The following GRM7 variants were observed in gnomAD, a reference collection of about 807,000 sequenced individuals.
GRM7 encodes metabotropic glutamate receptor 7.
Under a neutral mutation model 84.5 loss-of-function variants are expected in GRM7, and 35 were observed. That is an observed-to-expected ratio of 0.41 (90% CI 0.32 to 0.55). GRM7 has a LOEUF of 0.55. Ranked by LOEUF, GRM7 falls within the 20% of genes least tolerant of loss-of-function variation. The probability of loss-of-function intolerance (pLI) is 0.19; values close to 1 mark genes in which losing one functional copy is unlikely to be tolerated. For synonymous variants in GRM7, 487 were observed against 455.1 expected, an observed-to-expected ratio of 1.07 and a Z score of -0.89; for missense variants, 1,003 against 1,194.6, an observed-to-expected ratio of 0.84 and a Z score of 2.36.
intron 7 of GRM7, among the ~76,000 whole-genome samples, chr3:7,573,958 T>C (rs975441425): frequency 6.6e-6 from 1 of 152,164 alleles, no homozygotes; most frequent in Non-Finnish European, 1.5e-5. Flanking sequence ...CCATGGAGAA[T>C]TGGTTAGCCA....
At chr3:7,548,542 A>G (rs915226405) in intron 7 of GRM7, among the ~76,000 whole-genome samples, 1 of 152,248 alleles carries the variant, frequency 6.6e-6, no homozygotes, top group African/African-American at 2.4e-5. Context: ...AATCCAGACT[A>G]TATTTTAATG....
chr3:7,554,377 A>T (rs1202267999), intron 7 of GRM7, among the ~76,000 whole-genome samples: 1 of 152,190 alleles, frequency 6.6e-6, no homozygotes. Context: ...CGGGCACTTC[A>T]GGCTGGACTC....
chr3:7,584,839 A>G (rs942695877), intron 8 of GRM7, among the ~76,000 whole-genome samples: 8 of 152,188 alleles, frequency 5.3e-5, no homozygotes, highest in African/African-American at 1.7e-4. Context: ...TAGAAATACA[A>G]TTTTCAAAAT....
At chr3:6,955,468 T>C (rs1204132949) in intron 1 of GRM7, among the ~76,000 whole-genome samples, 2 of 148,624 alleles carry the variant, frequency 1.3e-5, no homozygotes, top group Non-Finnish European at 3.0e-5. Flanking sequence ...ACCTGGAAGT[T>C]AGAGGTTGCA....
chr3:6,904,213 T>C (rs1370385042), intron 1 of GRM7, among the ~76,000 whole-genome samples: 1 of 152,146 alleles, frequency 6.6e-6, no homozygotes, highest in African/African-American at 2.4e-5. Context: ...CACAAAGATA[T>C]TTGTTTGTAG....
intron 2 of GRM7, among the ~76,000 whole-genome samples, chr3:7,157,292 A>G (rs923595190): frequency 6.6e-6 from 1 of 152,200 alleles, no homozygotes; most frequent in African/African-American, 2.4e-5. Context: ...ATTTCAGGAT[A>G]AACATAGAAT....
At chr3:7,205,232 C>G (rs371462185) in intron 2 of GRM7, among the ~76,000 whole-genome samples, 11 of 152,286 alleles carry the variant, frequency 7.2e-5, no homozygotes, top group East Asian at 3.9e-4. Context: ...TCTTGGCTTT[C>G]AGAAACTTAT....
chr3:6,929,480 G>A (rs1045133294), intron 1 of GRM7, among the ~76,000 whole-genome samples: 5 of 152,304 alleles, frequency 3.3e-5, no homozygotes, highest in Admixed American at 6.5e-5. Flanking sequence ...AGATGATACA[G>A]TAGCAGACTG....
At position 6,988,154 on chromosome 3, in the gene GRM7, G is replaced by A. The variant is rs538195470; in HGVS notation, c.519+126247G>A. ...TGGGACTACAGGCGGCCACCATCAC[G>A]CCTGGCTAATTTTTTTTTTTTTTTT... On this transcript the variant is annotated intron_variant, in intron 1 of 9. Coordinates refer to ENST00000357716, the MANE Select transcript of GRM7 (RefSeq NM_000844.4). Among the ~76,000 whole-genome samples, 114 of 144,580 alleles carry A rather than the reference G, an allele frequency of 7.9e-4. 1 individual carries two copies. Among genetic ancestry groups the A allele is most frequent in the African/African-American group, 2.7e-3 (105 of 38,232 alleles). 94.9% of individuals were successfully genotyped at this position (144,580 alleles called of 152,430 possible). A position where few individuals can be genotyped will look rare whatever the true frequency, so the allele number is the denominator to read the frequency against.
Position 7,368,126 on chromosome 3 carries a change from G to A in GRM7, c.1034-46897G>A, listed in dbSNP as rs200082749. On this transcript the variant is annotated intron_variant, in intron 4 of 9. Coordinates refer to ENST00000357716, the MANE Select transcript of GRM7 (RefSeq NM_000844.4). ...TAAAGTATAAGACCATCACACCTTA[G>A]GAAAATATTTAAGCTGTGTGGACTT... Among the ~76,000 whole-genome samples the A allele has an allele frequency of 1.1e-4, 16 of 152,038 alleles. No homozygotes were observed. In the East Asian group the frequency reaches 2.7e-3, roughly 26 times the overall value.
intron 7 of GRM7, among the ~76,000 whole-genome samples, chr3:7,539,213 C>G (rs1447790596): frequency 6.6e-6 from 1 of 152,128 alleles, no homozygotes; most frequent in Non-Finnish European, 1.5e-5. Flanking sequence ...CCACTCTCCA[C>G]CAAACCCTCA....
intron 4 of GRM7, among the ~76,000 whole-genome samples, chr3:7,341,372 T>C (rs1410705261): frequency 9.7e-6 from 1 of 103,134 alleles, no homozygotes; most frequent in Non-Finnish European, 1.9e-5. Flanking sequence ...ATTCAACTCA[T>C]GTTTTTTTTT....
At chr3:6,875,309 A>G (rs751827237) in intron 1 of GRM7, among the ~76,000 whole-genome samples, 4 of 151,946 alleles carry the variant, frequency 2.6e-5, no homozygotes, top group Non-Finnish European at 4.4e-5. Context: ...TGTCCGCAAC[A>G]TCCAACTCTC....
intron 5 of GRM7, among the ~76,000 whole-genome samples, chr3:7,436,279 T>C (rs13087322): frequency 0.33 from 49,999 of 152,074 alleles, 9,527 homozygotes; most frequent in Non-Finnish European, 0.44. Flanking sequence ...GTTTTTTTCT[T>C]CTTCTTTTCC....
chr3:7,372,238 G>A (rs989949501), intron 4 of GRM7, among the ~76,000 whole-genome samples: 3 of 152,154 alleles, frequency 2.0e-5, no homozygotes, highest in African/African-American at 7.2e-5. Context: ...GAGATTTGTT[G>A]AGTTTTAGAT....
intron 1 of GRM7, among the ~76,000 whole-genome samples, chr3:7,056,928 A>G (rs2124963472): frequency 6.6e-6 from 1 of 152,092 alleles, no homozygotes; most frequent in Non-Finnish European, 1.5e-5. Context: ...AATTTTAAAG[A>G]TTTTAAAAAT....
At chr3:7,229,230 AAAC>A (rs1193361785) in intron 2 of GRM7, among the ~76,000 whole-genome samples, 4 of 152,186 alleles carry the variant, frequency 2.6e-5, no homozygotes, top group African/African-American at 7.2e-5. Context: ...AAAACAGAAG[AAAC>A]AAAAACAAAA....
intron 1 of GRM7, among the ~76,000 whole-genome samples, chr3:7,068,665 T>C (rs957555372): frequency 6.6e-6 from 1 of 152,020 alleles, no homozygotes; most frequent in Non-Finnish European, 1.5e-5. Context: ...AATAGGGTTT[T>C]CATGTTCTGT....
intron 2 of GRM7, among the ~76,000 whole-genome samples, chr3:7,170,475 AT>A (rs1694948369): frequency 6.6e-6 from 1 of 152,076 alleles, no homozygotes; most frequent in South Asian, 2.1e-4. Context: ...TGAATGCCAG[AT>A]TGTTTTTCCC....
Sources: allele counts gnomAD v4.1 joint callset (sites outside exome capture counted in the v4.1 genomes callset), GRCh38; gene constraint gnomAD v4.1.1; transcripts MANE v1.5; gene names NCBI Gene and HGNC (gene_info 2026-07-23, HGNC 2026-07-21).